The following FARS2 variants were observed in gnomAD, a reference collection of about 807,000 sequenced individuals.
FARS2 encodes phenylalanine--tRNA ligase, mitochondrial.
FARS2 carries 40 observed loss-of-function variants against 46.4 expected under a neutral mutation model. The observed-to-expected ratio is 0.86, with a 90% CI of 0.67 to 1.12. FARS2 has a LOEUF of 1.12. FARS2 is among the 50% of genes most tolerant of loss of function. The pLI, the probability that FARS2 is intolerant of heterozygous loss-of-function variation, is 0.00. For synonymous variants in FARS2, 234 were observed against 214.9 expected (o/e 1.09, Z -0.78); for missense variants, 513 against 567.9 (o/e 0.90, Z 0.98).
chr6:5,491,694 T>C (rs374520488), intron 4 of FARS2, among the ~76,000 whole-genome samples: 7 of 152,336 alleles, frequency 4.6e-5, no homozygotes, highest in East Asian at 3.9e-4. Context: ...TCATATTTTA[T>C]AGTCATTGCT....
intron 1 of FARS2, among the ~76,000 whole-genome samples, chr6:5,341,767 TC>T (rs1561970606): frequency 6.6e-6 from 1 of 152,074 alleles, no homozygotes. Flanking sequence ...GATCCACCCA[TC>T]TTGGCCTCCC....
intron 1 of FARS2, among the ~76,000 whole-genome samples, chr6:5,328,951 G>A (rs988138991): frequency 2.0e-5 from 3 of 152,006 alleles, no homozygotes; most frequent in Admixed American, 1.3e-4. Flanking sequence ...AATCTTTGCC[G>A]GAGGTAAAGG....
At chr6:5,422,189 A>G (rs1436628924) in intron 3 of FARS2, among the ~76,000 whole-genome samples, 4 of 152,174 alleles carry the variant, frequency 2.6e-5, no homozygotes, top group Admixed American at 6.5e-5. Flanking sequence ...GTCAGATCTC[A>G]TGAGACTTAT....
At chr6:5,385,601 T>C (rs6941557) in intron 2 of FARS2, among the ~76,000 whole-genome samples, 24,562 of 151,942 alleles carry the variant, frequency 0.16, 2,126 homozygotes, top group Middle Eastern at 0.2. Context: ...TTTTTTTGTA[T>C]TTTTAGTAGA....
At chr6:5,275,744 A>C (rs1187923877) in intron 1 of FARS2, among the ~76,000 whole-genome samples, 1 of 152,204 alleles carries the variant, frequency 6.6e-6, no homozygotes, top group African/African-American at 2.4e-5. Context: ...TTAGGCTTTT[A>C]GACTTTAATT....
chr6:5,535,575 G>A (rs1272499828), intron 4 of FARS2, among the ~76,000 whole-genome samples: 2 of 152,156 alleles, frequency 1.3e-5, no homozygotes, highest in Non-Finnish European at 2.9e-5. Flanking sequence ...GAGCATCTTT[G>A]TCTTGTTCCC....
At chr6:5,305,871 G>A (rs7769327) in intron 1 of FARS2, among the ~76,000 whole-genome samples, 2 of 152,110 alleles carry the variant, frequency 1.3e-5, no homozygotes, top group Non-Finnish European at 2.9e-5. Flanking sequence ...GCAGTAGTCA[G>A]ATGGGGGTAT....
chr6:5,562,055 T>C (rs1772015743), intron 5 of FARS2, among the ~76,000 whole-genome samples: 1 of 152,192 alleles, frequency 6.6e-6, no homozygotes, highest in Non-Finnish European at 1.5e-5. Context: ...ATATCTTCAG[T>C]ATACTTGTTT....
At chr6:5,534,827 GCACA>G (rs915267260) in intron 4 of FARS2, among the ~76,000 whole-genome samples, 28 of 133,666 alleles carry the variant, frequency 2.1e-4, no homozygotes, top group South Asian at 5.2e-4. Flanking sequence ...ACACATGCAC[GCACA>G]CACACGCACG....
At chr6:5,737,710 T>A (rs1046592693) in intron 6 of FARS2, among the ~76,000 whole-genome samples, 2 of 152,164 alleles carry the variant, frequency 1.3e-5, no homozygotes, top group Non-Finnish European at 2.9e-5. Context: ...AATTTCTGGA[T>A]GAGGTTCCCT....
At chr6:5,355,374 G>GT (rs796768184) in intron 1 of FARS2, among the ~76,000 whole-genome samples, 4,154 of 131,588 alleles carry the variant, frequency 0.032, 89 homozygotes, top group African/African-American at 0.058. Context: ...TTTCCTTTTT[G>GT]TTTTTTTTTT....
intron 5 of FARS2, among the ~76,000 whole-genome samples, chr6:5,584,816 A>G (rs1351719829): frequency 6.6e-6 from 1 of 152,180 alleles, no homozygotes; most frequent in African/African-American, 2.4e-5. Flanking sequence ...CATCTGTGAA[A>G]TGCATAATTA....
intron 6 of FARS2, among the ~76,000 whole-genome samples, chr6:5,718,406 A>G (rs946585557): frequency 3.9e-5 from 6 of 152,222 alleles, no homozygotes; most frequent in Non-Finnish European, 5.9e-5. Context: ...TGAATCAGGT[A>G]CTTGTTACTG....
chr6:5,470,636 T>C (rs1212672346), intron 4 of FARS2, among the ~76,000 whole-genome samples: 1 of 152,248 alleles, frequency 6.6e-6, no homozygotes, highest in Non-Finnish European at 1.5e-5. Context: ...ATTTGTTCCG[T>C]ATAGTTTGTG....
chr6:5,564,204 CA>C (rs1772185234), intron 5 of FARS2, among the ~76,000 whole-genome samples: 1 of 152,186 alleles, frequency 6.6e-6, no homozygotes, highest in Admixed American at 6.5e-5. Flanking sequence ...GCAATTCCCA[CA>C]AGTGTGGTGT....
intron 1 of FARS2, among the ~76,000 whole-genome samples, chr6:5,292,072 G>A (rs1451790877): frequency 6.6e-6 from 1 of 152,148 alleles, no homozygotes; most frequent in South Asian, 2.1e-4. Flanking sequence ...TCGGAGTGGG[G>A]GTTGTCAGAA....
At chr6:5,381,402 C>CACAT (rs766205187) in intron 2 of FARS2, among the ~76,000 whole-genome samples, 1 of 124,874 alleles carries the variant, frequency 8.0e-6, no homozygotes, top group African/African-American at 3.7e-5. Flanking sequence ...CACACACACA[C>CACAT]ACATACACAC....
chr6:5,622,541 A>G (rs954454612), intron 6 of FARS2, among the ~76,000 whole-genome samples: 1 of 152,218 alleles, frequency 6.6e-6, no homozygotes, highest in Non-Finnish European at 1.5e-5. Flanking sequence ...TGCCCTCATG[A>G]ATGGGATTCG....
At chr6:5,260,873 C>G, upstream of FARS2, 1 of 1,446,914 alleles carries the variant, frequency 6.9e-7, no homozygotes, top group South Asian at 1.4e-5. Context: ...CGGGCCTAAG[C>G]CTAAGCGGGC....
Sources: allele counts gnomAD v4.1 joint callset (sites outside exome capture counted in the v4.1 genomes callset), GRCh38; gene constraint gnomAD v4.1.1; transcripts MANE v1.5; gene names NCBI Gene and HGNC (gene_info 2026-07-23, HGNC 2026-07-21).